BCKDHB: variants seen among roughly 807,000 people sequenced by gnomAD.
BCKDHB encodes branched chain keto acid dehydrogenase E1 subunit beta.
Under a neutral mutation model 48.5 loss-of-function variants are expected in BCKDHB, and 41 were observed. The observed-to-expected ratio is 0.85, with a 90% CI of 0.66 to 1.10. The LOEUF is 1.10. BCKDHB is among the 50% of genes least tolerant of loss of function. The pLI is 0.00. For synonymous variants in BCKDHB, 201 were observed against 174.8 expected (o/e 1.15, Z -1.18); for missense variants, 496 against 494.2 (o/e 1.00, Z -0.03).
intron 8 of BCKDHB, among the ~76,000 whole-genome samples, chr6:80,215,851 C>T (rs1214758198): frequency 3.9e-5 from 6 of 152,168 alleles, no homozygotes; most frequent in Non-Finnish European, 1.5e-5. Flanking sequence ...AAGCCATTCT[C>T]CTGCCTCAGC....
chr6:80,260,503 G>A (rs934266596), intron 8 of BCKDHB, among the ~76,000 whole-genome samples: 1 of 152,078 alleles, frequency 6.6e-6, no homozygotes. Context: ...ACATCACCAA[G>A]TACAATATGG....
intron 8 of BCKDHB, among the ~76,000 whole-genome samples, chr6:80,259,200 T>A (rs1272099230): frequency 1.3e-5 from 2 of 152,236 alleles, no homozygotes; most frequent in African/African-American, 4.8e-5. Context: ...AGATTTGTCT[T>A]GAATGCCTTT....
Position 80,224,372 on chromosome 6 carries a change from A to G in BCKDHB, c.951+21160A>G, listed in dbSNP as rs546351439. 3.8e-4 allele frequency among the ~76,000 whole-genome samples: 58 copies of G among 152,134 alleles called. 1 individual carries two copies. Among genetic ancestry groups the G allele is most frequent in the Admixed American group, 2.2e-3 (33 of 15,276 alleles). ...GACATATGTCTACAAGCATTTCATT[A>G]TCTATAAAAGAGAGATTTTTTTCTT... On this transcript the variant is annotated intron_variant, in intron 8 of 9. Transcript: ENST00000320393.
the BCKDHB span, among the ~76,000 whole-genome samples, chr6:80,411,682 TC>T: frequency 2.0e-5 from 3 of 152,052 alleles, no homozygotes; most frequent in African/African-American, 7.2e-5. Context: ...TGGACGCCCC[TC>T]CCCCCATCAG....
the BCKDHB span, among the ~76,000 whole-genome samples, chr6:80,421,498 G>A: frequency 2.6e-5 from 4 of 152,140 alleles, no homozygotes; most frequent in Admixed American, 2.0e-4. Flanking sequence ...CAATCTTGAC[G>A]GCTCAGAAAA....
chr6:80,352,159 T>TC, the BCKDHB span, among the ~76,000 whole-genome samples: 1 of 151,366 alleles, frequency 6.6e-6, no homozygotes, highest in African/African-American at 2.4e-5. Context: ...TTGTTTTTTT[T>TC]TTGGAGATAG....
At chr6:80,412,757 T>C in the BCKDHB span, among the ~76,000 whole-genome samples, 4 of 152,232 alleles carry the variant, frequency 2.6e-5, no homozygotes, top group African/African-American at 4.8e-5. Context: ...TCTTTATTTC[T>C]TCTTAATTTC....
the BCKDHB span, among the ~76,000 whole-genome samples, chr6:80,428,944 C>T: frequency 0.023 from 3,568 of 152,204 alleles, 143 homozygotes; most frequent in African/African-American, 0.08. Flanking sequence ...GAAGTCTTTG[C>T]CCATGCCTAT....
the BCKDHB span, among the ~76,000 whole-genome samples, chr6:80,390,645 C>T: frequency 2.3e-4 from 35 of 151,948 alleles, no homozygotes; most frequent in African/African-American, 8.2e-4. Flanking sequence ...TCCGGTTGTA[C>T]GGAGGATAGT....
chr6:80,442,183 G>T, the BCKDHB span, among the ~76,000 whole-genome samples: 1 of 152,014 alleles, frequency 6.6e-6, no homozygotes, highest in Non-Finnish European at 1.5e-5. Context: ...GTTAGTGTTC[G>T]TAATGATAAT....
the BCKDHB span, among the ~76,000 whole-genome samples, chr6:80,403,107 G>T: frequency 6.6e-6 from 1 of 151,640 alleles, no homozygotes; most frequent in African/African-American, 2.4e-5. Flanking sequence ...GATTCCATAT[G>T]AAGGTTAACA....
At chr6:80,325,590 C>T (rs1768992653) in intron 9 of BCKDHB, among the ~76,000 whole-genome samples, 1 of 152,168 alleles carries the variant, frequency 6.6e-6, no homozygotes, top group Non-Finnish European at 1.5e-5. Flanking sequence ...ATGTAAATGA[C>T]ACATGTTTGA....
At chr6:80,318,501 A>G (rs534307753) in intron 9 of BCKDHB, among the ~76,000 whole-genome samples, 1 of 152,190 alleles carries the variant, frequency 6.6e-6, no homozygotes, top group Admixed American at 6.5e-5. Flanking sequence ...AGTCTGACCA[A>G]TACGGTGAAA....
chr6:80,304,679 G>A (rs1488029245), intron 9 of BCKDHB, among the ~76,000 whole-genome samples: 1 of 152,108 alleles, frequency 6.6e-6, no homozygotes, highest in African/African-American at 2.4e-5. Context: ...CAGAAACATA[G>A]GTGCAAAGTT....
At chr6:80,128,862 G>C (rs1333442794) in intron 2 of BCKDHB, among the ~76,000 whole-genome samples, 1 of 140,424 alleles carries the variant, frequency 7.1e-6, no homozygotes, top group East Asian at 2.2e-4. Context: ...GACACTTTTT[G>C]TTGTCTCAAC....
In BCKDHB at chr6:80,134,743, T is replaced by TTTTATTTATTTA. The variant is rs369623862; in HGVS notation, c.343+5530_343+5541dup. Among the ~76,000 whole-genome samples the TTTTATTTATTTA allele has an allele frequency of 9.3e-3, 1,406 of 151,182 alleles. 15 individuals are homozygous for TTTTATTTATTTA. The highest frequency in any genetic ancestry group is 0.029 in the African/African-American group (1,176 of 41,058). ...GTCCCTTTTCCAGCGTTTTGTTTTATTTTATTTATTTATTTATTTATTTAT... is the reference window on the plus strand; with the variant it reads ...GTCCCTTTTCCAGCGTTTTGTTTTATTTTATTTATTTATTTATTTATTTATTTATTTATTTAT... On this transcript the variant is annotated intron_variant, in intron 3 of 9. Coordinates refer to ENST00000320393, the MANE Select transcript of BCKDHB (RefSeq NM_183050.4).
intron 9 of BCKDHB, among the ~76,000 whole-genome samples, chr6:80,312,780 C>T (rs1322218737): frequency 6.6e-6 from 1 of 152,172 alleles, no homozygotes; most frequent in Non-Finnish European, 1.5e-5. Context: ...CGGGTGAAGC[C>T]AGCTTGATTA....
chr6:80,438,400 G>A, the BCKDHB span, among the ~76,000 whole-genome samples: 2 of 152,222 alleles, frequency 1.3e-5, no homozygotes, highest in Admixed American at 6.5e-5. Flanking sequence ...TTACAAAAAT[G>A]TATTTGAAAT....
intron 4 of BCKDHB, among the ~76,000 whole-genome samples, chr6:80,168,525 A>G (rs1343395465): frequency 2.5e-5 from 3 of 118,360 alleles, no homozygotes; most frequent in Non-Finnish European, 5.1e-5. Context: ...TCATTGTGCT[A>G]TGGGAAAGGA....
Sources: allele counts gnomAD v4.1 joint callset (sites outside exome capture counted in the v4.1 genomes callset), GRCh38; gene constraint gnomAD v4.1.1; transcripts MANE v1.5; gene names NCBI Gene and HGNC (gene_info 2026-07-23, HGNC 2026-07-21).